The following PELI2 variants were observed in gnomAD, a reference collection of about 807,000 sequenced individuals.
PELI2 encodes pellino E3 ubiquitin protein ligase family member 2.
PELI2 carries 23 observed loss-of-function variants against 42.3 expected under a neutral mutation model. The observed-to-expected ratio is 0.54, with a 90% CI of 0.39 to 0.77. The LOEUF is 0.77. Ranked by LOEUF, PELI2 falls within the 30% of genes least tolerant of loss-of-function variation. The probability of loss-of-function intolerance (pLI) is 0.00; values close to 1 mark genes in which losing one functional copy is unlikely to be tolerated. For missense variants in PELI2, 463 were observed against 553.2 expected, an observed-to-expected ratio of 0.84 and a Z score of 1.64; for synonymous variants, 245 against 212.2, an observed-to-expected ratio of 1.15 and a Z score of -1.34.
At chr14:56,181,348 T>C (rs937368795) in intron 2 of PELI2, among the ~76,000 whole-genome samples, 7 of 150,340 alleles carry the variant, frequency 4.7e-5, no homozygotes, top group Non-Finnish European at 7.4e-5. Flanking sequence ...GACTTTTTTT[T>C]TTTTTTTTTT....
intron 3 of PELI2, among the ~76,000 whole-genome samples, chr14:56,286,821 G>A (rs1046483775): frequency 3.3e-5 from 5 of 152,076 alleles, no homozygotes; most frequent in African/African-American, 9.7e-5. Flanking sequence ...AATTTTACCA[G>A]CACTCTAGAG....
rs935919589 is a variant in PELI2 at position 56,192,469 on chromosome 14, G to T, written c.207+14005G>T. 2.6e-5 allele frequency among the ~76,000 whole-genome samples: 4 copies of T among 152,168 alleles called. No individual in the cohort carries two copies. In the East Asian group the frequency reaches 7.7e-4, roughly 29 times the overall value. The stretch of plus-strand genomic sequence containing the variant: ...GCTGTGCCTTTTAGGATGTTTAGCA[G>T]CATCTATGGCCTTTACCCACTCGAC... On this transcript the variant is annotated intron_variant, in intron 2 of 5. Transcript: ENST00000267460.
chr14:56,128,410 C>A (rs1283098404), intron 1 of PELI2, among the ~76,000 whole-genome samples: 3 of 152,190 alleles, frequency 2.0e-5, no homozygotes, highest in Non-Finnish European at 4.4e-5. Context: ...GGCAATGAGG[C>A]TCCAGCTTAA....
intron 2 of PELI2, among the ~76,000 whole-genome samples, chr14:56,178,681 G>T (rs566083281): frequency 2.6e-5 from 4 of 152,300 alleles, no homozygotes; most frequent in Admixed American, 2.0e-4. Flanking sequence ...TAGCACCCCC[G>T]CATTCTTGCT....
chr14:56,120,484 C>G (rs560288852), intron 1 of PELI2, among the ~76,000 whole-genome samples: 5 of 152,284 alleles, frequency 3.3e-5, no homozygotes, highest in Non-Finnish European at 5.9e-5. Context: ...GTATCATAGT[C>G]TCACTCCACA....
chr14:56,215,408 A>G (rs561081670), intron 2 of PELI2, among the ~76,000 whole-genome samples: 2 of 152,168 alleles, frequency 1.3e-5, no homozygotes, highest in Non-Finnish European at 2.9e-5. Context: ...ATTGTGAGGG[A>G]ATAGACTTTG....
intron 2 of PELI2, among the ~76,000 whole-genome samples, chr14:56,270,432 A>G (rs1159576539): frequency 3.9e-5 from 6 of 152,250 alleles, no homozygotes. Context: ...ATTGACAAAG[A>G]TGGCAGAGAC....
intron 1 of PELI2, among the ~76,000 whole-genome samples, chr14:56,159,417 T>A (rs1389181694): frequency 6.6e-6 from 1 of 152,228 alleles, no homozygotes; most frequent in African/African-American, 2.4e-5. Context: ...GCAAGTCACA[T>A]GGTCTAACCC....
intron 2 of PELI2, among the ~76,000 whole-genome samples, chr14:56,186,726 T>C (rs1423028997): frequency 2.0e-5 from 3 of 152,320 alleles, no homozygotes; most frequent in African/African-American, 4.8e-5. Context: ...AACTTAATTA[T>C]CTGTGTAATT....
intron 1 of PELI2, among the ~76,000 whole-genome samples, chr14:56,128,413 C>A (rs1370127995): frequency 6.6e-6 from 1 of 152,168 alleles, no homozygotes; most frequent in Non-Finnish European, 1.5e-5. Context: ...AATGAGGCTC[C>A]AGCTTAATGA....
At chr14:56,255,306 A>G (rs1888489310) in intron 2 of PELI2, among the ~76,000 whole-genome samples, 1 of 152,244 alleles carries the variant, frequency 6.6e-6, no homozygotes, top group African/African-American at 2.4e-5. Flanking sequence ...CTATGCAGCC[A>G]TAGAAAAGGA....
intron 2 of PELI2, among the ~76,000 whole-genome samples, chr14:56,259,689 TG>T (rs1054312081): frequency 6.6e-6 from 1 of 152,160 alleles, no homozygotes; most frequent in African/African-American, 2.4e-5. Context: ...CACACTTACT[TG>T]TTTTGTTTCA....
At chr14:56,139,446 C>T (rs1018228856) in intron 1 of PELI2, among the ~76,000 whole-genome samples, 2 of 152,006 alleles carry the variant, frequency 1.3e-5, no homozygotes, top group Admixed American at 6.6e-5. Context: ...TTTTTTGTTG[C>T]GCTATGACAG....
chr14:56,243,108 G>GGAAATCCAGAAA (rs552290816), intron 2 of PELI2, among the ~76,000 whole-genome samples: 206 of 152,304 alleles, frequency 1.4e-3, no homozygotes, highest in African/African-American at 4.8e-3. Flanking sequence ...CTAGATGTCT[G>GGAAATCCAGAAA]TCTGGTTGAT....
chr14:56,203,497 G>A (rs557308037), intron 2 of PELI2, among the ~76,000 whole-genome samples: 4 of 152,214 alleles, frequency 2.6e-5, no homozygotes, highest in African/African-American at 7.2e-5. Context: ...GATGTCTTCT[G>A]TATCTGTAGA....
intron 1 of PELI2, among the ~76,000 whole-genome samples, chr14:56,154,986 T>C (rs187455496): frequency 1.3e-5 from 2 of 152,348 alleles, no homozygotes; most frequent in African/African-American, 4.8e-5. Flanking sequence ...TGGATTTATA[T>C]GTTAAAAAAT....
intron 2 of PELI2, among the ~76,000 whole-genome samples, chr14:56,258,601 G>C (rs1026937175): frequency 6.6e-6 from 1 of 151,572 alleles, no homozygotes; most frequent in Non-Finnish European, 1.5e-5. Context: ...ACACTGGATT[G>C]AGGTAGCAGT....
chr14:56,213,890 C>CA (rs1886799964), intron 2 of PELI2, among the ~76,000 whole-genome samples: 1 of 152,158 alleles, frequency 6.6e-6, no homozygotes, highest in Non-Finnish European at 1.5e-5. Flanking sequence ...CTCACTCTGT[C>CA]ACCCAGGCTG....
At chr14:56,203,580 C>A (rs1445518891) in intron 2 of PELI2, among the ~76,000 whole-genome samples, 1 of 151,992 alleles carries the variant, frequency 6.6e-6, no homozygotes, top group East Asian at 1.9e-4. Context: ...AAGGACAAAG[C>A]AGTGATTAAA....
Sources: allele counts gnomAD v4.1 joint callset (sites outside exome capture counted in the v4.1 genomes callset), GRCh38; gene constraint gnomAD v4.1.1; transcripts MANE v1.5; gene names NCBI Gene and HGNC (gene_info 2026-07-23, HGNC 2026-07-21).